Variants in ARHGEF4 observed in about 807,000 individuals in gnomAD.
The protein encoded by ARHGEF4 is Rho guanine nucleotide exchange factor 4, also known as APC-stimulated guanine nucleotide exchange factor 1.
In ARHGEF4, 119 loss-of-function variants were observed where a neutral mutation model predicts 162.0. The ratio of observed to expected loss-of-function variants is 0.73; its 90% CI spans 0.63 to 0.86. ARHGEF4 has a LOEUF of 0.86. Ranked by LOEUF, ARHGEF4 falls within the 40% of genes least tolerant of loss-of-function variation. The pLI, the probability that ARHGEF4 is intolerant of heterozygous loss-of-function variation, is 0.00. For synonymous variants in ARHGEF4, 1,014 were observed against 979.9 expected (o/e 1.03, Z -0.65); for missense variants, 2,488 against 2,456.0 (o/e 1.01, Z -0.28).
At chr2:131,000,275 T>G (rs1687680632) in intron 4 of ARHGEF4, among the ~76,000 whole-genome samples, 1 of 152,216 alleles carries the variant, frequency 6.6e-6, no homozygotes, top group African/African-American at 2.4e-5. Flanking sequence ...AACCTTGTAT[T>G]TCTGGATAAA....
intron 5 of ARHGEF4, chr2:131,035,265 G>C: frequency 1.6e-6 from 2 of 1,220,178 alleles, no homozygotes; most frequent in Non-Finnish European, 2.0e-6. Flanking sequence ...TCCGCTGAGC[G>C]GCCGCGCAGG....
intron 1 of ARHGEF4, among the ~76,000 whole-genome samples, chr2:130,909,346 G>C (rs1475814363): frequency 6.6e-6 from 1 of 152,214 alleles, no homozygotes; most frequent in Non-Finnish European, 1.5e-5. Context: ...TAGAAGGAAT[G>C]AATTCCTGTC....
intron 4 of ARHGEF4, among the ~76,000 whole-genome samples, chr2:131,004,426 A>T (rs1209097532): frequency 1.3e-5 from 2 of 152,078 alleles, no homozygotes; most frequent in Non-Finnish European, 2.9e-5. Flanking sequence ...TGGCCTCCCA[A>T]AGTGCTGGGA....
intron 1 of ARHGEF4, among the ~76,000 whole-genome samples, chr2:130,908,608 G>T (rs894730061): frequency 6.6e-6 from 1 of 152,068 alleles, no homozygotes; most frequent in Non-Finnish European, 1.5e-5. Context: ...CCCGGGAGGT[G>T]GACGTTGGAG....
At position 130,987,512 on chromosome 2, in the gene ARHGEF4, T is replaced by C. The variant is rs371735528; in HGVS notation, c.3986-40433T>C. On this transcript the variant is annotated intron_variant, in intron 4 of 13. Transcript: ENST00000409359. The stretch of plus-strand genomic sequence containing the variant: ...CTGGTGGCCAGCTTTTATTCCCTTA[T>C]TGTCCCCGCCCATGTTCTGTTTCTG... 2.6e-5 allele frequency among the ~76,000 whole-genome samples: 4 copies of C among 152,226 alleles called. No homozygotes were observed. In the East Asian group the frequency reaches 7.7e-4, roughly 29 times the overall value.
chr2:130,946,442 A>G, intron 3 of ARHGEF4, 67 bp from the exon 4 acceptor site: 1 of 1,542,920 alleles, frequency 6.5e-7, no homozygotes, highest in Middle Eastern at 1.8e-4. Flanking sequence ...GAAAGACTGC[A>G]GGGTGGCAAT....
intron 4 of ARHGEF4, among the ~76,000 whole-genome samples, chr2:130,970,873 C>T (rs1040555148): frequency 6.6e-6 from 1 of 152,136 alleles, no homozygotes; most frequent in South Asian, 2.1e-4. Context: ...TTGTGTTTTA[C>T]TTGCTAATAG....
chr2:131,022,111 T>G (rs554510929), intron 4 of ARHGEF4, among the ~76,000 whole-genome samples: 3 of 152,322 alleles, frequency 2.0e-5, no homozygotes, highest in Admixed American at 1.3e-4. Flanking sequence ...GTCTGTAGTC[T>G]TCTTGTAGTT....
rs139914590 is a variant in ARHGEF4, at chr2:130,880,015, T to G, written c.40-33971T>G. Among the ~76,000 whole-genome samples, 490 of 152,282 alleles carry G rather than the reference T, an allele frequency of 3.2e-3. 8 individuals are homozygous for G. Among genetic ancestry groups the G allele is most frequent in the African/African-American group, 0.011 (455 of 41,550 alleles). On this transcript the variant is annotated intron_variant, in intron 1 of 13. Coordinates refer to ENST00000409359, the MANE Select transcript of ARHGEF4 (RefSeq NM_001367493.1). ...TTGCCACTGATGGCCCTTCCTTGGGTCGAGTCCATGTCTTGGCATTGTGAA... is the reference window on the plus strand; with the variant it reads ...TTGCCACTGATGGCCCTTCCTTGGGGCGAGTCCATGTCTTGGCATTGTGAA...
At chr2:130,971,586 AG>A (rs1685373334) in intron 4 of ARHGEF4, among the ~76,000 whole-genome samples, 1 of 133,876 alleles carries the variant, frequency 7.5e-6, no homozygotes, top group Non-Finnish European at 1.5e-5. Flanking sequence ...TGAACTTGTG[AG>A]GTGGAGGTTG....
intron 4 of ARHGEF4, among the ~76,000 whole-genome samples, chr2:130,991,421 C>T (rs145906680): frequency 0.026 from 3,913 of 152,344 alleles, 154 homozygotes; most frequent in East Asian, 0.2. Context: ...GGAGCCCACT[C>T]CCTCAGCTTG....
Position 131,046,048 on chromosome 2 carries a change from G to A in ARHGEF4, c.5490G>A (p.Arg1830=). The A allele has an allele frequency of 1.2e-6, 2 of 1,611,282 alleles. No homozygotes were observed. Among genetic ancestry groups the A allele is most frequent in the Non-Finnish European group, 1.7e-6 (2 of 1,178,874 alleles). Residue 1830 remains arginine, a synonymous_variant, in exon 14 of 14, where the codon CGG becomes CGA. Coordinates refer to ENST00000409359, the MANE Select transcript of ARHGEF4 (RefSeq NM_001367493.1). ...TCTCTCCCTGTTCAGCTGTTGGCCGGCCCTGCTACCTGACGCGCCAGAAGC... is the reference window on the plus strand; with the variant it reads ...TCTCTCCCTGTTCAGCTGTTGGCCGACCCTGCTACCTGACGCGCCAGAAGC... ...QVTGKPKAVG[R]PCYLTRQKHP...
chr2:130,989,729 G>C (rs979346784), intron 4 of ARHGEF4, among the ~76,000 whole-genome samples: 1 of 152,180 alleles, frequency 6.6e-6, no homozygotes, highest in African/African-American at 2.4e-5. Context: ...TGATTTGTGA[G>C]TGGGGTGAAG....
At chr2:130,946,763 A>G in intron 4 of ARHGEF4, 128 bp downstream of exon 4, 3 of 1,349,940 alleles carry the variant, frequency 2.2e-6, no homozygotes, top group Non-Finnish European at 2.0e-6. Flanking sequence ...GAGATAAACA[A>G]TTGTCCTCTT....
At chr2:130,848,106 T>C (rs965764329) in intron 1 of ARHGEF4, among the ~76,000 whole-genome samples, 1 of 152,022 alleles carries the variant, frequency 6.6e-6, no homozygotes, top group South Asian at 2.1e-4. Flanking sequence ...GGGTGGGCTG[T>C]GGCTAGTCTC....
chr2:130,953,974 C>A (rs1488914551), intron 4 of ARHGEF4, among the ~76,000 whole-genome samples: 1 of 152,188 alleles, frequency 6.6e-6, no homozygotes, highest in Non-Finnish European at 1.5e-5. Context: ...ACTAGTTCAA[C>A]CATTGTGGAA....
At chr2:130,869,448 G>A (rs1382626909) in intron 1 of ARHGEF4, among the ~76,000 whole-genome samples, 2 of 152,220 alleles carry the variant, frequency 1.3e-5, no homozygotes, top group African/African-American at 4.8e-5. Context: ...TGAAGAGGGA[G>A]TTACCCCTGA....
Position 130,914,493 on chromosome 2 carries a change from T to G in ARHGEF4, c.547T>G (p.Cys183Gly), listed in dbSNP as rs1681372867. The G allele has an allele frequency of 7.0e-7, 1 of 1,432,810 alleles. No individual in the cohort carries two copies. Among genetic ancestry groups the G allele is most frequent in the Non-Finnish European group, 9.1e-7 (1 of 1,099,440 alleles). 88.8% of individuals were successfully genotyped at this position (1,432,810 alleles called of 1,614,324 possible). The change falls in exon 2 of 14, where the codon TGC becomes GGC. Residue 183 changes from cysteine to glycine, a missense_variant. This residue lies in a region of ARHGEF4 where 81 missense variants were observed against 125.8 expected (regional missense o/e 0.64). Transcript: ENST00000409359. ...GGCAGGGGTTCCCCGACACACAGGG[T>G]GCTGCTTACAGAGGGCCACAGACAG... ...LLAGVPRHTGCCLQRATDSSG... is the reference protein window; with the variant it reads ...LLAGVPRHTGGCLQRATDSSG...
At chr2:130,885,217 A>G (rs945130227) in intron 1 of ARHGEF4, among the ~76,000 whole-genome samples, 4 of 152,104 alleles carry the variant, frequency 2.6e-5, no homozygotes, top group Non-Finnish European at 4.4e-5. Flanking sequence ...CTTGTGCATT[A>G]CAGCCTGCTC....
Sources: gnomAD v4.1 joint callset for allele counts (sites outside exome capture counted in the v4.1 genomes callset) on GRCh38, gnomAD v4.1.1 for gene constraint, gnomAD v4.1.1 regional missense constraint, MANE v1.5 for transcripts, NCBI Gene and HGNC (gene_info 2026-07-23, HGNC 2026-07-21) for gene names.